Variants in MICAL3 observed in about 807,000 individuals in gnomAD.
MICAL3 encodes microtubule associated monooxygenase, calponin and LIM domain containing 3, also known as [F-actin]-monooxygenase MICAL3.
A neutral mutation model predicts 207.4 loss-of-function variants in MICAL3; 62 were observed. The ratio of observed to expected loss-of-function variants is 0.30; its 90% confidence interval spans 0.24 to 0.37. The LOEUF is 0.37. MICAL3 is among the 10% of genes least tolerant of loss of function. MICAL3 has a pLI of 1.00. For missense variants in MICAL3, 2,368 were observed against 2,635.6 expected (o/e 0.90, Z 2.22); for synonymous variants, 1,077 against 1,069.3 (o/e 1.01, Z -0.14).
intron 20 of MICAL3, among the ~76,000 whole-genome samples, chr22:17,836,819 A>G (rs1923436400): frequency 6.6e-6 from 1 of 151,702 alleles, no homozygotes; most frequent in Non-Finnish European, 1.5e-5. Context: ...AATTTTTTGT[A>G]CTTTTTTAGT....
At chr22:18,022,647 T>A (rs1924558472) in intron 1 of MICAL3, among the ~76,000 whole-genome samples, 1 of 152,182 alleles carries the variant, frequency 6.6e-6, no homozygotes, top group African/African-American at 2.4e-5. Flanking sequence ...CAGGCTGGTC[T>A]CCAACTCCTG....
intron 1 of MICAL3, among the ~76,000 whole-genome samples, chr22:17,997,950 A>T (rs1922480256): frequency 6.6e-6 from 1 of 152,142 alleles, no homozygotes. Flanking sequence ...AGAAAAGAAA[A>T]AAGAAAAAGA....
intron 1 of MICAL3, among the ~76,000 whole-genome samples, chr22:17,945,900 A>C (rs1295251812): frequency 6.6e-6 from 1 of 152,142 alleles, no homozygotes; most frequent in African/African-American, 2.4e-5. Context: ...CGGTGGCGGA[A>C]GGGCCATAGA....
At position 17,827,745 on chromosome 22, in the gene MICAL3, G is replaced by T. The variant is rs566915282; in HGVS notation, c.3092C>A (p.Ala1031Glu). ...NQRLQQVMHA[A>E]DPLEIQADVH... is the part of the protein sequence containing the mutation. ...GTCAGCCTGGATCTCCAGAGGATCCGCCGCGTGCATGACCTGCTGGAGCCT... is the reference window on the plus strand; with the variant it reads ...GTCAGCCTGGATCTCCAGAGGATCCTCCGCGTGCATGACCTGCTGGAGCCT... Residue 1031 changes from alanine to glutamate, a missense_variant, in exon 22 of 32, where the codon GCG (alanine) becomes GAG (glutamate). Ala to Glu is a moderately radical substitution (Grantham distance 107). Coordinates refer to ENST00000441493, the MANE Select transcript of MICAL3 (RefSeq NM_015241.3). 6 of 1,559,480 alleles carry T rather than the reference G, an allele frequency of 3.8e-6. No individual in the cohort carries two copies. Among genetic ancestry groups the T allele is most frequent in the Non-Finnish European group, 4.3e-6 (5 of 1,152,002 alleles).
At chr22:17,835,081 G>T (rs1297944338) in intron 20 of MICAL3, among the ~76,000 whole-genome samples, 1 of 152,240 alleles carries the variant, frequency 6.6e-6, no homozygotes, top group African/African-American at 2.4e-5. Flanking sequence ...TAGCTGCACA[G>T]GCACAATGTG....
chr22:17,913,427 G>A (rs939987633), intron 1 of MICAL3, among the ~76,000 whole-genome samples: 1 of 152,172 alleles, frequency 6.6e-6, no homozygotes, highest in Non-Finnish European at 1.5e-5. Flanking sequence ...GAAGGTGAAG[G>A]AGACCTGGAC....
intron 29 of MICAL3, among the ~76,000 whole-genome samples, chr22:17,792,723 A>G (rs566117967): frequency 1.3e-5 from 2 of 152,328 alleles, no homozygotes; most frequent in Non-Finnish European, 2.9e-5. Context: ...CCTAGTGCAC[A>G]TGCGGTTCTG....
chr22:17,861,493 C>G, intron 19 of MICAL3: 1 of 985,464 alleles, frequency 1.0e-6, no homozygotes, highest in Non-Finnish European at 1.2e-6. Context: ...GGCTTCCCTA[C>G]TTCATTTTTG....
At chr22:17,792,177 C>T (rs1401216769) in intron 29 of MICAL3, among the ~76,000 whole-genome samples, 1 of 152,214 alleles carries the variant, frequency 6.6e-6, no homozygotes, top group Non-Finnish European at 1.5e-5. Flanking sequence ...AGAACAAGGT[C>T]CTTTTCCTTG....
intron 1 of MICAL3, among the ~76,000 whole-genome samples, chr22:17,947,441 C>T (rs771829944): frequency 1.6e-4 from 24 of 152,188 alleles, no homozygotes; most frequent in Non-Finnish European, 3.2e-4. Flanking sequence ...GTGTTCTGTG[C>T]GCACCACTGA....
In MICAL3 at chr22:17,906,587, T is replaced by C; in HGVS notation, c.226A>G (p.Lys76Glu). Residue 76 changes from lysine to glutamate, a missense_variant, in exon 2 of 32, where the codon AAA becomes GAA. Transcript: ENST00000441493. ...WAKLDKRGSH[K>E]DYKKGKACTN... ...CACGCTTTTCCCTTTTTGTAGTCTTTGTGACTGCCCCGTTTGTCCAATTTT... is the reference window on the plus strand; with the variant it reads ...CACGCTTTTCCCTTTTTGTAGTCTTCGTGACTGCCCCGTTTGTCCAATTTT... 6.2e-7 allele frequency: 1 copy of C among 1,613,444 alleles called. No homozygotes were observed. Among genetic ancestry groups the C allele is most frequent in the East Asian group, 2.2e-5 (1 of 44,870 alleles).
At chr22:17,920,409 T>C (rs993143228) in intron 1 of MICAL3, among the ~76,000 whole-genome samples, 1 of 151,794 alleles carries the variant, frequency 6.6e-6, no homozygotes, top group African/African-American at 2.4e-5. Flanking sequence ...CCCTCTCCAA[T>C]CTGGCCTCTG....
chr22:17,912,368 TA>T (rs113708314), intron 1 of MICAL3, among the ~76,000 whole-genome samples: 10,631 of 140,434 alleles, frequency 0.076, 699 homozygotes, highest in African/African-American at 0.19. Context: ...TCTATTTCTG[TA>T]AAAAAAAAAA....
chr22:17,867,600 C>T (rs181326913), intron 17 of MICAL3, among the ~76,000 whole-genome samples: 1 of 152,334 alleles, frequency 6.6e-6, no homozygotes, highest in Admixed American at 6.5e-5. Context: ...TAACACATGA[C>T]CCAGGCCGCT....
chr22:18,015,800 A>G (rs561033140), intron 1 of MICAL3, among the ~76,000 whole-genome samples: 1 of 152,290 alleles, frequency 6.6e-6, no homozygotes, highest in East Asian at 1.9e-4. Flanking sequence ...TCCTTTTATC[A>G]AAAGTATTTT....
intron 2 of MICAL3, 76 bp from the exon 3 acceptor site, chr22:17,904,915 T>C (rs879836707): frequency 6.2e-5 from 69 of 1,109,554 alleles, no homozygotes; most frequent in Non-Finnish European, 9.4e-5. Context: ...GATTGTAAGA[T>C]CATCACTCCC....
intron 29 of MICAL3, among the ~76,000 whole-genome samples, chr22:17,804,671 G>A (rs184255198): frequency 7.2e-5 from 11 of 152,204 alleles, no homozygotes; most frequent in Non-Finnish European, 5.9e-5. Flanking sequence ...TTGAGCAGGC[G>A]GTCCTCATCT....
intron 1 of MICAL3, among the ~76,000 whole-genome samples, chr22:17,927,214 G>C (rs1256563205): frequency 6.6e-6 from 1 of 152,070 alleles, no homozygotes; most frequent in African/African-American, 2.4e-5. Context: ...ATTTCACTTA[G>C]TATAAGGGCT....
chr22:17,876,067 T>C (rs976734711), intron 16 of MICAL3, among the ~76,000 whole-genome samples: 1 of 152,156 alleles, frequency 6.6e-6, no homozygotes, highest in African/African-American at 2.4e-5. Flanking sequence ...GCAGCATCTC[T>C]TCCTTCCACT....
Sources: allele counts gnomAD v4.1 joint callset (sites outside exome capture counted in the v4.1 genomes callset), GRCh38; gene constraint gnomAD v4.1.1; transcripts MANE v1.5; gene names NCBI Gene and HGNC (gene_info 2026-07-23, HGNC 2026-07-21).